The following LHFPL3 variants were observed in gnomAD, a reference collection of about 807,000 sequenced individuals.
LHFPL3 encodes the protein LHFPL tetraspan subfamily member 3.
In LHFPL3, 5 loss-of-function variants were observed where a neutral mutation model predicts 19.3. That is an observed-to-expected ratio of 0.26 (90% CI 0.14 to 0.54). LHFPL3 has a LOEUF of 0.54. Among genes scored for constraint, LHFPL3 ranks in the 20% least tolerant of loss-of-function variants. LHFPL3 has a pLI of 0.94. For synonymous variants in LHFPL3, 133 were observed against 126.2 expected (o/e 1.05, Z -0.36); for missense variants, 249 against 307.4 (o/e 0.81, Z 1.42).
At chr7:104,403,692 A>G (rs1791359542) in intron 1 of LHFPL3, among the ~76,000 whole-genome samples, 1 of 151,494 alleles carries the variant, frequency 6.6e-6, no homozygotes, top group African/African-American at 2.4e-5. Flanking sequence ...TGGGAATCTC[A>G]TCAAGGGAAT....
chr7:104,737,791 C>G (rs749014849), intron 2 of LHFPL3, among the ~76,000 whole-genome samples: 1 of 152,140 alleles, frequency 6.6e-6, no homozygotes, highest in Non-Finnish European at 1.5e-5. Flanking sequence ...GCTCCTTCTT[C>G]TAGCTCTTAT....
At chr7:104,708,520 C>A (rs1301806663) in intron 1 of LHFPL3, among the ~76,000 whole-genome samples, 1 of 152,140 alleles carries the variant, frequency 6.6e-6, no homozygotes, top group African/African-American at 2.4e-5. Flanking sequence ...TCCCTTTTGT[C>A]CTCCCTGGCA....
chr7:104,868,319 T>C (rs983115070), intron 2 of LHFPL3, among the ~76,000 whole-genome samples: 6 of 152,138 alleles, frequency 3.9e-5, no homozygotes, highest in Non-Finnish European at 7.3e-5. Context: ...TGATTGTATG[T>C]CTAGAAAACC....
At chr7:104,683,069 A>G (rs1178986383) in intron 1 of LHFPL3, among the ~76,000 whole-genome samples, 1 of 152,134 alleles carries the variant, frequency 6.6e-6, no homozygotes. Context: ...GGCTCACTGC[A>G]ACCTCCACCT....
At chr7:104,511,154 G>A (rs928466080) in intron 1 of LHFPL3, among the ~76,000 whole-genome samples, 2 of 152,012 alleles carry the variant, frequency 1.3e-5, no homozygotes, top group African/African-American at 2.4e-5. Context: ...TTAGAAAATG[G>A]ACAAAAGACA....
intron 1 of LHFPL3, among the ~76,000 whole-genome samples, chr7:104,433,675 G>T (rs1349673166): frequency 6.6e-6 from 1 of 152,174 alleles, no homozygotes; most frequent in East Asian, 1.9e-4. Context: ...GGCCTAGAAT[G>T]CCTTTTGCCC....
intron 1 of LHFPL3, among the ~76,000 whole-genome samples, chr7:104,450,746 A>C (rs1562901355): frequency 6.6e-6 from 1 of 152,202 alleles, no homozygotes; most frequent in African/African-American, 2.4e-5. Flanking sequence ...CTGAAAAAAA[A>C]CTAGCAACAT....
intron 1 of LHFPL3, among the ~76,000 whole-genome samples, chr7:104,539,730 G>T (rs182687699): frequency 1.3e-5 from 2 of 152,258 alleles, no homozygotes; most frequent in Non-Finnish European, 2.9e-5. Flanking sequence ...AACAAAGCTA[G>T]GTTCTTTTCA....
chr7:104,402,620 T>A (rs1791336116), intron 1 of LHFPL3, among the ~76,000 whole-genome samples: 1 of 151,836 alleles, frequency 6.6e-6, no homozygotes, highest in African/African-American at 2.4e-5. Flanking sequence ...TTGAAAGCCC[T>A]AACCACAGAC....
At chr7:104,406,632 C>T (rs1791420458) in intron 1 of LHFPL3, among the ~76,000 whole-genome samples, 2 of 152,214 alleles carry the variant, frequency 1.3e-5, no homozygotes, top group Admixed American at 6.5e-5. Context: ...ATCCTTTCTT[C>T]TCAGAGAAAG....
At chr7:104,659,057 C>T (rs940687018) in intron 1 of LHFPL3, among the ~76,000 whole-genome samples, 12 of 152,342 alleles carry the variant, frequency 7.9e-5, no homozygotes, top group Non-Finnish European at 1.5e-4. Context: ...ATTCCCTGAA[C>T]GTGCCATGCA....
chr7:104,351,079 A>G (rs955610052), intron 1 of LHFPL3, among the ~76,000 whole-genome samples: 1 of 152,066 alleles, frequency 6.6e-6, no homozygotes, highest in Non-Finnish European at 1.5e-5. Flanking sequence ...CTCTTCGACA[A>G]GACACCATTT....
intron 2 of LHFPL3, among the ~76,000 whole-genome samples, chr7:104,837,302 C>T (rs1218308229): frequency 1.3e-5 from 2 of 152,180 alleles, no homozygotes; most frequent in African/African-American, 2.4e-5. Context: ...TACCCTAGAG[C>T]TGATTGGACC....
rs566870392 is a variant in LHFPL3, at chr7:104,780,632, G to A, written c.682+43721G>A. ...CTCCTCACCACTGTCACTTACAACC[G>A]CCCACCCTTGCTCACTTTCTAAACA... On this transcript the variant is annotated intron_variant, in intron 2 of 2. Coordinates refer to ENST00000424859, the MANE Select transcript of LHFPL3 (RefSeq NM_199000.3). Among the ~76,000 whole-genome samples the A allele has an allele frequency of 1.8e-4, 27 of 152,058 alleles. No homozygotes were observed. The South Asian group carries it at 4.4e-3, about 25-fold the overall frequency.
At chr7:104,488,339 T>C (rs1331855910) in intron 1 of LHFPL3, among the ~76,000 whole-genome samples, 1 of 152,184 alleles carries the variant, frequency 6.6e-6, no homozygotes, top group Non-Finnish European at 1.5e-5. Flanking sequence ...CAGAAACATG[T>C]ACATATCAAA....
intron 1 of LHFPL3, among the ~76,000 whole-genome samples, chr7:104,569,946 T>G (rs960716105): frequency 6.6e-6 from 1 of 152,232 alleles, no homozygotes; most frequent in Non-Finnish European, 1.5e-5. Context: ...TCTTCAAGAA[T>G]AATCATAAGC....
At chr7:104,695,456 C>T (rs757693485) in intron 1 of LHFPL3, among the ~76,000 whole-genome samples, 2 of 152,068 alleles carry the variant, frequency 1.3e-5, no homozygotes, top group African/African-American at 2.4e-5. Context: ...GTTGGGTCTC[C>T]CAGTTTTTTG....
At position 104,868,115 on chromosome 7, in the gene LHFPL3, C is replaced by T. The variant is rs1584586673; in HGVS notation, c.683-38072C>T. 2.0e-5 allele frequency among the ~76,000 whole-genome samples: 3 copies of T among 152,264 alleles called. No homozygotes were observed. In the East Asian group the frequency reaches 5.8e-4, roughly 29 times the overall value. ...GAGCTATTTATGACAAACCCACAGC[C>T]AATATCATACTGAATGGGCAAAAAC... On this transcript the variant is annotated intron_variant, in intron 2 of 2. Coordinates refer to ENST00000424859, the MANE Select transcript of LHFPL3 (RefSeq NM_199000.3).
intron 1 of LHFPL3, among the ~76,000 whole-genome samples, chr7:104,517,658 C>T (rs534988776): frequency 6.6e-6 from 1 of 152,060 alleles, no homozygotes; most frequent in East Asian, 1.9e-4. Flanking sequence ...AGGCGCCCAC[C>T]ACCATGCCAG....
Sources: allele counts gnomAD v4.1 joint callset (sites outside exome capture counted in the v4.1 genomes callset), GRCh38; gene constraint gnomAD v4.1.1; transcripts MANE v1.5; gene names NCBI Gene and HGNC (gene_info 2026-07-23, HGNC 2026-07-21).